Variants in SAMD3 observed in about 807,000 individuals in gnomAD.
The protein encoded by SAMD3 is sterile alpha motif domain-containing protein 3.
Under a neutral mutation model 58.5 loss-of-function variants are expected in SAMD3, and 63 were observed. That is an observed-to-expected ratio of 1.08 (90% CI 0.88 to 1.33). The LOEUF is 1.33. Ranked by LOEUF, SAMD3 falls within the 40% of genes most tolerant of loss-of-function variation. SAMD3 has a pLI of 0.00. For missense variants in SAMD3, 604 were observed against 608.4 expected (o/e 0.99, Z 0.08); for synonymous variants, 220 against 210.3 (o/e 1.05, Z -0.40).
At chr6:130,341,301 G>C (rs1449717712) in intron 1 of SAMD3, among the ~76,000 whole-genome samples, 2 of 152,144 alleles carry the variant, frequency 1.3e-5, no homozygotes, top group Admixed American at 1.3e-4. Context: ...AATGCAAAAT[G>C]GTCAAACTTT....
At chr6:130,160,521 A>G (rs1375727969) in intron 8 of SAMD3, 2 of 152,334 alleles carry the variant, frequency 1.3e-5, no homozygotes, top group East Asian at 3.9e-4. Context: ...TTGAAAGAAG[A>G]AAGGACAGTT....
chr6:130,160,087 T>G (rs1338677508), intron 8 of SAMD3: 2 of 152,176 alleles, frequency 1.3e-5, no homozygotes, highest in Non-Finnish European at 2.9e-5. Context: ...GTTGAATATC[T>G]GCACACCCTG....
Position 130,183,181 on chromosome 6 carries a change from A to G in SAMD3, c.654+922T>C, listed in dbSNP as rs116713627. 1.9e-3 allele frequency: 674 copies of G among 354,288 alleles called. 4 individuals are homozygous for G. Among genetic ancestry groups the G allele is most frequent in the African/African-American group, 0.013 (628 of 46,648 alleles). 21.9% of individuals were successfully genotyped at this position (354,288 alleles called of 1,614,324 possible). On this transcript the variant is annotated intron_variant, in intron 7 of 11. Coordinates refer to ENST00000439090, the MANE Select transcript of SAMD3 (RefSeq NM_001017373.4). ...GTACATTAGAATAATCCCATCCTCA[A>G]ATTAATTCAATCTGAATCTCTAGGA...
intron 8 of SAMD3, among the ~76,000 whole-genome samples, chr6:130,169,079 G>A (rs1790986983): frequency 1.3e-5 from 2 of 152,142 alleles, no homozygotes; most frequent in South Asian, 4.1e-4. Flanking sequence ...CTCCCAAAGT[G>A]CTGGGATTAA....
chr6:130,361,651 A>C (rs1426536031), intron 1 of SAMD3, among the ~76,000 whole-genome samples: 1 of 152,254 alleles, frequency 6.6e-6, no homozygotes, highest in East Asian at 1.9e-4. Flanking sequence ...TGGATGGATA[A>C]ATCCCAAACA....
chr6:130,268,521 C>G (rs1774441879), intron 2 of SAMD3, among the ~76,000 whole-genome samples: 1 of 152,174 alleles, frequency 6.6e-6, no homozygotes, highest in South Asian at 2.1e-4. Flanking sequence ...CCCACTCATA[C>G]AGAGCAACTT....
intron 9 of SAMD3, among the ~76,000 whole-genome samples, chr6:130,149,862 C>T (rs935074417): frequency 1.3e-5 from 2 of 152,182 alleles, no homozygotes; most frequent in Non-Finnish European, 2.9e-5. Flanking sequence ...CCCTGCTGAA[C>T]CTAAAAGTTG....
In SAMD3 at chr6:130,255,032, T is replaced by C. The variant is rs369853682; in HGVS notation, c.-187-32219A>G. The stretch of plus-strand genomic sequence containing the variant: ...TGTCTCAAGATATTGTTTCAATTTC[T>C]CTTTTAATTTCTTCATTGACCTATT... On this transcript the variant is annotated intron_variant, in intron 2 of 13. Transcript: ENST00000368134. Among the ~76,000 whole-genome samples, 7 of 152,358 alleles carry C rather than the reference T, an allele frequency of 4.6e-5. 1 individual carries two copies.
chr6:130,217,645 C>A (rs1047136631), intron 1 of SAMD3, among the ~76,000 whole-genome samples: 1 of 152,184 alleles, frequency 6.6e-6, no homozygotes, highest in Non-Finnish European at 1.5e-5. Flanking sequence ...CTGCTGTGAA[C>A]GTGATTTATA....
chr6:130,161,237 G>T (rs9492466), intron 8 of SAMD3: 3 of 152,078 alleles, frequency 2.0e-5, no homozygotes, highest in East Asian at 3.8e-4. Flanking sequence ...TATATGTTAC[G>T]TATGTAGTTT....
chr6:130,289,700 A>C (rs1421610262), intron 2 of SAMD3, among the ~76,000 whole-genome samples: 1 of 152,140 alleles, frequency 6.6e-6, no homozygotes, highest in Non-Finnish European at 1.5e-5. Context: ...GGGTTTCACC[A>C]TGTTGGCCAG....
At chr6:130,250,080 C>G (rs1238507822) in intron 2 of SAMD3, among the ~76,000 whole-genome samples, 1 of 152,094 alleles carries the variant, frequency 6.6e-6, no homozygotes, top group Non-Finnish European at 1.5e-5. Context: ...CAGGAGCCCC[C>G]AGATAGCTCT....
At chr6:130,326,661 T>A (rs1776771946) in intron 1 of SAMD3, among the ~76,000 whole-genome samples, 1 of 152,226 alleles carries the variant, frequency 6.6e-6, no homozygotes, top group African/African-American at 2.4e-5. Flanking sequence ...TTTTTTCTTT[T>A]TGTGGAATGA....
At chr6:130,328,697 G>T (rs188691836) in intron 1 of SAMD3, among the ~76,000 whole-genome samples, 78 of 152,308 alleles carry the variant, frequency 5.1e-4, no homozygotes, top group African/African-American at 1.4e-3. Context: ...GACCAAGGCT[G>T]TTTAGCCAAA....
intron 9 of SAMD3, among the ~76,000 whole-genome samples, chr6:130,154,235 CTTT>C (rs5880003): frequency 7.8e-6 from 1 of 127,606 alleles, no homozygotes. Flanking sequence ...TACTGAAATT[CTTT>C]TTTTTTTTTT....
chr6:130,198,481 T>A (rs1243694146), intron 5 of SAMD3, among the ~76,000 whole-genome samples: 2 of 152,194 alleles, frequency 1.3e-5, no homozygotes, highest in East Asian at 1.9e-4. Flanking sequence ...AGTGTTGGAA[T>A]TAGAGATGTG....
chr6:130,197,192 C>T (rs568066435), intron 5 of SAMD3, among the ~76,000 whole-genome samples: 3 of 152,286 alleles, frequency 2.0e-5, no homozygotes, highest in East Asian at 1.9e-4. Flanking sequence ...ATAGACGCTC[C>T]GTTTTATTAG....
chr6:130,189,160 T>G (rs1364192705), intron 5 of SAMD3, among the ~76,000 whole-genome samples: 1 of 150,900 alleles, frequency 6.6e-6, no homozygotes, highest in African/African-American at 2.4e-5. Flanking sequence ...AGGAACTGAA[T>G]TGTGTTCCTT....
At chr6:130,346,213 A>G (rs931956664) in intron 1 of SAMD3, among the ~76,000 whole-genome samples, 1 of 152,190 alleles carries the variant, frequency 6.6e-6, no homozygotes, top group Non-Finnish European at 1.5e-5. Context: ...GGGGAGTGTC[A>G]GACAGTGGGT....
Sources: allele counts gnomAD v4.1 joint callset (sites outside exome capture counted in the v4.1 genomes callset), GRCh38; gene constraint gnomAD v4.1.1; transcripts MANE v1.5; gene names NCBI Gene and HGNC (gene_info 2026-07-23, HGNC 2026-07-21).